The following C7orf57 variants were observed in gnomAD, a reference collection of about 807,000 sequenced individuals.
C7orf57 encodes the protein uncharacterized protein C7orf57.
Under a neutral mutation model 39.0 loss-of-function variants are expected in C7orf57, and 33 were observed. The ratio of observed to expected loss-of-function variants is 0.85; its 90% CI spans 0.64 to 1.13. C7orf57 has a LOEUF of 1.13. Ranked by LOEUF, C7orf57 falls within the 50% of genes most tolerant of loss-of-function variation. The pLI is 0.00. For missense variants in C7orf57, 346 were observed against 362.3 expected, an observed-to-expected ratio of 0.95 and a Z score of 0.37; for synonymous variants, 124 against 137.1, an observed-to-expected ratio of 0.90 and a Z score of 0.67.
rs1790326941 is a variant in C7orf57 at position 48,035,627 on chromosome 7, G to A, written c.-105G>A. 1 of 687,086 alleles carries A rather than the reference G, an allele frequency of 1.5e-6. No homozygotes were observed. Among genetic ancestry groups the A allele is most frequent in the Non-Finnish European group, 2.6e-6 (1 of 377,620 alleles). 42.6% of individuals were successfully genotyped at this position (687,086 alleles called of 1,614,324 possible). ...CAGCACCCACGGAGACCCGCGGGGA[G>A]CTGGTGAGCCTGAGCGGGCTGGAGG... On this transcript the variant is annotated 5_prime_UTR_variant, in exon 1 of 9. Transcript: ENST00000348904. The surrounding 1 kb of genome is among the most constrained non-coding windows in gnomAD (Gnocchi z 4.0).
chr7:48,048,638 C>A (rs534475954), intron 5 of C7orf57, among the ~76,000 whole-genome samples: 2 of 152,192 alleles, frequency 1.3e-5, no homozygotes, highest in Admixed American at 6.5e-5. Context: ...TAGAGAACTG[C>A]TCCCCAGGTT....
chr7:48,039,624 A>C (rs1724141355), intron 2 of C7orf57, among the ~76,000 whole-genome samples: 1 of 152,194 alleles, frequency 6.6e-6, no homozygotes, highest in Non-Finnish European at 1.5e-5. Context: ...TTTCATCTAA[A>C]AAACTTCATA....
intron 8 of C7orf57, among the ~76,000 whole-genome samples, chr7:48,055,406 A>G (rs1363285308): frequency 6.6e-6 from 1 of 152,240 alleles, no homozygotes; most frequent in East Asian, 1.9e-4. Flanking sequence ...TTGTGGCATC[A>G]TTAAATCAAG....
chr7:48,049,256 C>G (rs942538312), intron 5 of C7orf57, among the ~76,000 whole-genome samples: 1 of 152,236 alleles, frequency 6.6e-6, no homozygotes, highest in Non-Finnish European at 1.5e-5. Context: ...TTGACTGCCA[C>G]GCCGCATTTC....
At chr7:48,048,816 C>T (rs183354650) in intron 5 of C7orf57, among the ~76,000 whole-genome samples, 32 of 152,062 alleles carry the variant, frequency 2.1e-4, no homozygotes, top group Non-Finnish European at 1.6e-4. Flanking sequence ...AGGAACATCG[C>T]CATCTTGGAC....
In C7orf57 at chr7:48,036,334, A is replaced by G; in HGVS notation, c.26A>G (p.Gln9Arg). The G allele has an allele frequency of 6.3e-7, 1 of 1,591,444 alleles. No homozygotes were observed. Among genetic ancestry groups the G allele is most frequent in the Non-Finnish European group, 8.6e-7 (1 of 1,169,382 alleles). Residue 9 changes from glutamine to arginine, a missense_variant, in exon 2 of 9, where the codon CAG becomes CGG. Physicochemically the swap from Gln to Arg is conservative, Grantham distance 43. Transcript: ENST00000348904. The stretch of plus-strand genomic sequence containing the variant: ...ATGAGGAACACAAGCAAGGAACTTC[A>G]GGGCGCCACGCACCGCTACGCTCCC... Reference protein sequence around the residue: MRNTSKELQGATHRYAPCD... With the variant: MRNTSKELRGATHRYAPCD...
intron 1 of C7orf57, 88 bp from the exon 2 acceptor site, chr7:48,036,120 C>T (rs1790348433): frequency 3.0e-6 from 2 of 662,140 alleles, no homozygotes; most frequent in African/African-American, 1.8e-5. Context: ...GAAGTGCCAG[C>T]GCTAGGCGAT....
At chr7:48,054,447 A>G in intron 7 of C7orf57, 148 bp from the exon 8 acceptor site, 1 of 508,820 alleles carries the variant, frequency 2.0e-6, no homozygotes, top group South Asian at 3.6e-5. Context: ...TTGTTGCCCT[A>G]TTGAACTTTA....
At chr7:48,050,468 C>T (rs973288345) in intron 6 of C7orf57, among the ~76,000 whole-genome samples, 5 of 152,266 alleles carry the variant, frequency 3.3e-5, no homozygotes, top group East Asian at 3.9e-4. Context: ...ATCCCTGAGG[C>T]CTTAGGTGTC....
intron 6 of C7orf57, among the ~76,000 whole-genome samples, chr7:48,051,754 CTTTCTTTCTTTCTTTCTT>C (rs1554299655): frequency 7.8e-5 from 1 of 12,892 alleles, no homozygotes; most frequent in African/African-American, 2.3e-4. Context: ...TTTTTCTTTT[CTTTCTTTCTTTCTTTCTT>C]TCTTTCTTTC....
intron 6 of C7orf57, among the ~76,000 whole-genome samples, chr7:48,051,143 T>A (rs1204739276): frequency 6.6e-6 from 1 of 152,050 alleles, no homozygotes; most frequent in African/African-American, 2.4e-5. Context: ...TAGCAGCAGA[T>A]AATCATTGAT....
At chr7:48,050,162 G>T (rs192701363) in intron 6 of C7orf57, among the ~76,000 whole-genome samples, 185 bp downstream of exon 6, 4 of 152,288 alleles carry the variant, frequency 2.6e-5, no homozygotes, top group Admixed American at 2.6e-4. Context: ...ATGTCATTTT[G>T]CCCCTGTTGA....
At position 48,053,161 on chromosome 7, in the gene C7orf57, T is replaced by C. The variant is rs1791011378; in HGVS notation, c.829+238T>C. On this transcript the variant is annotated intron_variant, in intron 7 of 8. Coordinates refer to ENST00000348904, the MANE Select transcript of C7orf57 (RefSeq NM_001100159.3). ...TGACTTTTGGGGTTTCACATTTTCT[T>C]TTATTTGTCAAAAATTTTGATAGTC... is the stretch of plus-strand genomic sequence containing the variant. The C allele has an allele frequency of 4.8e-6, 3 of 622,588 alleles. No individual in the cohort carries two copies. The Admixed American group carries it at 6.9e-5, about 14-fold the overall frequency. The allele number at this position is 622,588 out of a possible 1,614,324, so 38.6% of individuals were successfully genotyped here.
Position 48,046,499 on chromosome 7 carries a change from A to G in C7orf57, c.390A>G (p.Glu130=), listed in dbSNP as rs369582125. Reference sequence around the variant, plus strand: ...CCATGCCGGATTACATGGTTCATGAAGAATTTAACCCCGATCAAGCCAATG... The same window carrying G: ...CCATGCCGGATTACATGGTTCATGAGGAATTTAACCCCGATCAAGCCAATG... ...AVSMPDYMVH[E]EFNPDQANGS... Residue 130 remains glutamate (E), a synonymous_variant, in exon 5 of 9, where the codon GAA becomes GAG. Coordinates refer to ENST00000348904, the MANE Select transcript of C7orf57 (RefSeq NM_001100159.3). 50 of 1,613,770 alleles carry G rather than the reference A, an allele frequency of 3.1e-5. No individual in the cohort carries two copies. The highest frequency in any genetic ancestry group is 4.0e-5 in the Non-Finnish European group (47 of 1,179,832).
intron 6 of C7orf57, among the ~76,000 whole-genome samples, chr7:48,051,856 T>TC (rs1388065778): frequency 2.5e-5 from 2 of 79,822 alleles, no homozygotes; most frequent in Non-Finnish European, 2.4e-5. Flanking sequence ...TCTTTCTTTC[T>TC]TTCTTTCTTT....
In C7orf57 at chr7:48,035,699, A is replaced by T; in HGVS notation, c.-102+69A>T. On this transcript the variant is annotated intron_variant, in intron 1 of 8. Transcript: ENST00000348904. This position sits in a 1 kb window ranked among gnomAD's most constrained non-coding sequence, Gnocchi z 4.0. ...GTCCCGGGCCTTGTCCACTGTGCGGAGCTCGCAGTGCGGGCAGTGCGCGCC... is the reference window on the plus strand; with the variant it reads ...GTCCCGGGCCTTGTCCACTGTGCGGTGCTCGCAGTGCGGGCAGTGCGCGCC... The T allele has an allele frequency of 1.7e-6, 1 of 595,738 alleles. No individual in the cohort carries two copies. Among genetic ancestry groups the T allele is most frequent in the Non-Finnish European group, 3.0e-6 (1 of 334,718 alleles). 36.9% of individuals were successfully genotyped at this position (595,738 alleles called of 1,614,324 possible).
At chr7:48,038,420 A>AT (rs1790452315) in intron 2 of C7orf57, among the ~76,000 whole-genome samples, 2 of 152,108 alleles carry the variant, frequency 1.3e-5, no homozygotes, top group African/African-American at 2.4e-5. Flanking sequence ...AGATAGATAG[A>AT]AAGGGAGAGA....
chr7:48,051,524 G>T (rs1407198134), intron 6 of C7orf57, among the ~76,000 whole-genome samples: 3 of 151,244 alleles, frequency 2.0e-5, no homozygotes, highest in Non-Finnish European at 3.0e-5. Context: ...TTTTAGTAGA[G>T]ATGGTTTTTC....
chr7:48,048,853 T>TA lies in C7orf57; in HGVS notation c.508-1019dup, dbSNP rs1226573137. Among the ~76,000 whole-genome samples the TA allele has an allele frequency of 4.6e-5, 7 of 151,848 alleles. No homozygotes were observed. The East Asian group carries it at 5.8e-4, about 13-fold the overall frequency. ...AGCCTCTCATTCTAAAAGTTCACCT[T>TA]AAAAAAAACCGCCTAAATCCAAGGG... On this transcript the variant is annotated intron_variant, in intron 5 of 8. Coordinates refer to ENST00000348904, the MANE Select transcript of C7orf57 (RefSeq NM_001100159.3).
Sources: allele counts gnomAD v4.1 joint callset (sites outside exome capture counted in the v4.1 genomes callset), GRCh38; gene constraint gnomAD v4.1.1; non-coding constraint Gnocchi (gnomAD v3.1); transcripts MANE v1.5; gene names NCBI Gene and HGNC (gene_info 2026-07-23, HGNC 2026-07-21).